The following GALNT13 variants were observed in gnomAD, a reference collection of about 807,000 sequenced individuals.
GALNT13 encodes the protein polypeptide N-acetylgalactosaminyltransferase 13.
A neutral mutation model predicts 64.2 loss-of-function variants in GALNT13; 28 were observed. The observed-to-expected ratio is 0.44, with a 90% CI of 0.32 to 0.60. GALNT13 has a LOEUF of 0.60. Ranked by LOEUF, GALNT13 falls within the 20% of genes least tolerant of loss-of-function variation. GALNT13 has a pLI of 0.05. For missense variants in GALNT13, 577 were observed against 669.8 expected (o/e 0.86, Z 1.53); for synonymous variants, 214 against 224.6 (o/e 0.95, Z 0.42).
chr2:153,445,001 T>C, the GALNT13 span, among the ~76,000 whole-genome samples: 2 of 152,192 alleles, frequency 1.3e-5, no homozygotes, highest in African/African-American at 4.8e-5. Context: ...AATTATTGCA[T>C]TTTTACATTT....
chr2:153,577,606 T>G, the GALNT13 span, among the ~76,000 whole-genome samples: 2 of 152,080 alleles, frequency 1.3e-5, no homozygotes, highest in African/African-American at 4.8e-5. Context: ...CTTAATTTTC[T>G]TTATTGGATT....
At chr2:154,402,713 T>C (rs912403553) in intron 10 of GALNT13, among the ~76,000 whole-genome samples, 1 of 152,226 alleles carries the variant, frequency 6.6e-6, no homozygotes, top group African/African-American at 2.4e-5. Flanking sequence ...CTTTGATTTT[T>C]CTCAGGATTA....
At chr2:154,190,040 C>T (rs1406531055) in intron 4 of GALNT13, among the ~76,000 whole-genome samples, 1 of 151,978 alleles carries the variant, frequency 6.6e-6, no homozygotes, top group African/African-American at 2.4e-5. Context: ...ATTTGGTGTC[C>T]TTCTTGTGTG....
the GALNT13 span, among the ~76,000 whole-genome samples, chr2:153,238,042 T>G: frequency 6.6e-6 from 1 of 152,078 alleles, no homozygotes; most frequent in Non-Finnish European, 1.5e-5. Context: ...TGGGATGAGA[T>G]GATGTCTCAT....
At chr2:153,253,865 T>C in the GALNT13 span, among the ~76,000 whole-genome samples, 17 of 152,172 alleles carry the variant, frequency 1.1e-4, no homozygotes, top group African/African-American at 4.1e-4. Context: ...CTGGATTCGG[T>C]TTGCCAGTAT....
chr2:153,760,499 A>G, the GALNT13 span, among the ~76,000 whole-genome samples: 51,193 of 151,820 alleles, frequency 0.34, 9,082 homozygotes, highest in Non-Finnish European at 0.36. Flanking sequence ...TGACCCATTG[A>G]TTATTCAAGA....
the GALNT13 span, among the ~76,000 whole-genome samples, chr2:153,764,485 A>C: frequency 6.6e-6 from 1 of 152,156 alleles, no homozygotes; most frequent in Non-Finnish European, 1.5e-5. Context: ...GCAGTGAGCC[A>C]AGATTGCACC....
chr2:154,421,600 AT>A lies in GALNT13; in HGVS notation c.1395+12525del, dbSNP rs1477236312. On this transcript the variant is annotated intron_variant, in intron 11 of 12. Transcript: ENST00000392825. Reference sequence around the variant, plus strand: ...AAATGATGAAGAAAAATTATTTCTAATTTTTTTCCAAATCTATTCTTAACAT... The same window carrying A: ...AAATGATGAAGAAAAATTATTTCTAATTTTTTCCAAATCTATTCTTAACAT... Among the ~76,000 whole-genome samples the A allele has an allele frequency of 1.6e-3, 15 of 9,538 alleles. 1 individual carries two copies. In the South Asian group the frequency reaches 0.1, roughly 66 times the overall value. 6.3% of individuals were successfully genotyped at this position (9,538 alleles called of 152,430 possible). A position where few individuals can be genotyped will look rare whatever the true frequency, so the allele number is the denominator to read the frequency against.
chr2:153,768,344 T>G, the GALNT13 span, among the ~76,000 whole-genome samples: 1,897 of 152,284 alleles, frequency 0.012, 36 homozygotes, highest in African/African-American at 0.042. Flanking sequence ...AGAATGTCAC[T>G]GTTGATTTTC....
chr2:153,721,134 A>C, the GALNT13 span, among the ~76,000 whole-genome samples: 29 of 144,714 alleles, frequency 2.0e-4, no homozygotes, highest in Admixed American at 2.0e-3. Flanking sequence ...CCTACAAGCC[A>C]GAAGAGAGTG....
intron 12 of GALNT13, among the ~76,000 whole-genome samples, chr2:154,440,047 G>C (rs182668065): frequency 6.6e-6 from 1 of 152,220 alleles, no homozygotes; most frequent in African/African-American, 2.4e-5. Context: ...TCCTTCATCA[G>C]TACTCTCTTC....
At chr2:153,865,419 A>G in the GALNT13 span, among the ~76,000 whole-genome samples, 1 of 144,688 alleles carries the variant, frequency 6.9e-6, no homozygotes, top group African/African-American at 2.6e-5. Context: ...CATCTGACAA[A>G]GGGCTAATAT....
the GALNT13 span, among the ~76,000 whole-genome samples, chr2:153,689,070 ATG>A: frequency 0.19 from 24,046 of 127,604 alleles, 2,370 homozygotes; most frequent in Non-Finnish European, 0.24. Context: ...CCGCGTGTGT[ATG>A]TGTGTGTGTG....
rs188373622 is a variant in GALNT13, at chr2:154,143,045, T to G, written c.311+2540T>G. ...GCAATGGTCCCCAACCTTTTGGCAC[T>G]GGGGACCAGTTTTGTGGAAGACAAT... On this transcript the variant is annotated intron_variant, in intron 4 of 12. Transcript: ENST00000392825. 2.0e-3 allele frequency among the ~76,000 whole-genome samples: 311 copies of G among 152,272 alleles called. 2 individuals carry two copies. The highest frequency in any genetic ancestry group is 3.5e-3 in the Non-Finnish European group (237 of 68,018).
the GALNT13 span, among the ~76,000 whole-genome samples, chr2:153,667,246 C>A: frequency 6.6e-6 from 1 of 152,260 alleles, no homozygotes; most frequent in Non-Finnish European, 1.5e-5. Flanking sequence ...CCCAGCCTCA[C>A]TAGACAGGTA....
At chr2:153,630,810 T>TATATATATATATATATATATATATATA in the GALNT13 span, among the ~76,000 whole-genome samples, 2 of 29,510 alleles carry the variant, frequency 6.8e-5, no homozygotes, top group African/African-American at 2.0e-4. Flanking sequence ...TATATATATT[T>TATATATATATATATATATATATATATA]TTTTTTTTTT....
the GALNT13 span, among the ~76,000 whole-genome samples, chr2:153,175,954 G>A: frequency 6.6e-6 from 1 of 152,130 alleles, no homozygotes; most frequent in Non-Finnish European, 1.5e-5. Flanking sequence ...TACACCAAAA[G>A]AGTAAAATCT....
chr2:153,306,891 C>T, the GALNT13 span, among the ~76,000 whole-genome samples: 2 of 152,130 alleles, frequency 1.3e-5, no homozygotes, highest in East Asian at 3.9e-4. Context: ...CACACACCAC[C>T]GTGCTCAGCT....
chr2:153,794,042 A>C, the GALNT13 span, among the ~76,000 whole-genome samples: 3 of 152,190 alleles, frequency 2.0e-5, no homozygotes, highest in Non-Finnish European at 4.4e-5. Flanking sequence ...TCCTTTTGCT[A>C]TAAAGTATCT....
Sources: gnomAD v4.1 joint callset for allele counts (sites outside exome capture counted in the v4.1 genomes callset) on GRCh38, gnomAD v4.1.1 for gene constraint, MANE v1.5 for transcripts, NCBI Gene and HGNC (gene_info 2026-07-23, HGNC 2026-07-21) for gene names.